The following NRG3 variants were observed in gnomAD, a reference collection of about 807,000 sequenced individuals.
NRG3 encodes pro-neuregulin-3, membrane-bound isoform.
In NRG3, 31 loss-of-function variants were observed where a neutral mutation model predicts 66.9. The observed-to-expected ratio is 0.46, with a 90% CI of 0.35 to 0.63. The LOEUF (loss-of-function observed/expected upper bound fraction) is 0.63, where lower values mean the gene tolerates loss of function less well. Among genes scored for constraint, NRG3 ranks in the 20% least tolerant of loss-of-function variants. The probability of loss-of-function intolerance (pLI) is 0.00; values close to 1 mark genes in which losing one functional copy is unlikely to be tolerated. For synonymous variants in NRG3, 393 were observed against 359.4 expected (o/e 1.09, Z -1.06); for missense variants, 910 against 878.9 (o/e 1.04, Z -0.45).
At chr10:81,944,947 C>G (rs1399698940) in intron 1 of NRG3, among the ~76,000 whole-genome samples, 2 of 152,126 alleles carry the variant, frequency 1.3e-5, no homozygotes, top group Admixed American at 6.6e-5. Context: ...ACCACCACTT[C>G]CCAGCACCAA....
At chr10:82,146,801 T>C (rs2070299089) in intron 1 of NRG3, among the ~76,000 whole-genome samples, 1 of 152,160 alleles carries the variant, frequency 6.6e-6, no homozygotes, top group African/African-American at 2.4e-5. Flanking sequence ...AAAAACTATT[T>C]CTTTTTGTCT....
At chr10:81,961,580 A>C (rs770668711) in intron 1 of NRG3, among the ~76,000 whole-genome samples, 1 of 152,240 alleles carries the variant, frequency 6.6e-6, no homozygotes, top group Non-Finnish European at 1.5e-5. Context: ...TACAGTGTAA[A>C]CTTTAGGTAA....
intron 2 of NRG3, among the ~76,000 whole-genome samples, chr10:82,391,418 C>A (rs576808205): frequency 6.6e-6 from 1 of 152,170 alleles, no homozygotes; most frequent in African/African-American, 2.4e-5. Context: ...TAAATGTCAA[C>A]AAAGAGTCAG....
intron 1 of NRG3, among the ~76,000 whole-genome samples, chr10:82,313,403 C>A (rs7897939): frequency 4.0e-5 from 6 of 151,692 alleles, no homozygotes; most frequent in African/African-American, 1.2e-4. Context: ...GGAATTGTTG[C>A]GATTATCATT....
intron 1 of NRG3, among the ~76,000 whole-genome samples, chr10:82,102,816 T>C (rs2066838851): frequency 6.6e-6 from 1 of 151,984 alleles, no homozygotes; most frequent in African/African-American, 2.4e-5. Flanking sequence ...TTGTAATAAA[T>C]ATTCTATCTA....
At chr10:82,110,185 A>G (rs971131406) in intron 1 of NRG3, among the ~76,000 whole-genome samples, 6 of 152,174 alleles carry the variant, frequency 3.9e-5, no homozygotes. Flanking sequence ...GAAGGTTACA[A>G]TTGAGGGAGC....
chr10:81,989,050 A>T (rs1024260267), intron 1 of NRG3, among the ~76,000 whole-genome samples: 8 of 152,186 alleles, frequency 5.3e-5, no homozygotes, highest in African/African-American at 1.9e-4. Context: ...CACTCTCTGT[A>T]TATTGCAGAG....
At chr10:82,481,199 C>T (rs1313649870) in intron 2 of NRG3, among the ~76,000 whole-genome samples, 1 of 152,298 alleles carries the variant, frequency 6.6e-6, no homozygotes, top group South Asian at 2.1e-4. Flanking sequence ...TTTTATTTCT[C>T]TATCATATTT....
intron 2 of NRG3, among the ~76,000 whole-genome samples, chr10:82,564,802 A>G (rs1196599144): frequency 6.6e-6 from 1 of 152,156 alleles, no homozygotes. Context: ...GTGAGATGAC[A>G]TTCTCTGAGT....
intron 1 of NRG3, among the ~76,000 whole-genome samples, chr10:82,170,019 T>G (rs1172660178): frequency 6.6e-6 from 1 of 151,398 alleles, no homozygotes; most frequent in East Asian, 1.9e-4. Context: ...GATAGACCAC[T>G]GATCTATGGA....
intron 1 of NRG3, among the ~76,000 whole-genome samples, chr10:82,070,316 C>A (rs1322253560): frequency 6.6e-6 from 1 of 151,978 alleles, no homozygotes; most frequent in Non-Finnish European, 1.5e-5. Flanking sequence ...AGAATCCCAT[C>A]CTTTCAAGAA....
intron 3 of NRG3, among the ~76,000 whole-genome samples, chr10:82,781,102 G>A (rs1372743044): frequency 6.6e-6 from 1 of 152,132 alleles, no homozygotes; most frequent in East Asian, 1.9e-4. Flanking sequence ...AGAACTGGAA[G>A]ATGTTGAGGC....
At chr10:82,540,468 G>A (rs2043466726) in intron 2 of NRG3, among the ~76,000 whole-genome samples, 1 of 152,034 alleles carries the variant, frequency 6.6e-6, no homozygotes, top group Admixed American at 6.6e-5. Flanking sequence ...GTGTGCATGT[G>A]TGAGTGTGTG....
intron 1 of NRG3, among the ~76,000 whole-genome samples, chr10:82,279,019 G>A (rs1372707398): frequency 1.3e-5 from 2 of 152,072 alleles, no homozygotes; most frequent in South Asian, 2.1e-4. Context: ...TTTCTTCAAC[G>A]TTTGCTTCCT....
chr10:82,676,492 G>T (rs1028180558), intron 2 of NRG3, among the ~76,000 whole-genome samples: 2 of 151,582 alleles, frequency 1.3e-5, no homozygotes, highest in African/African-American at 4.9e-5. Flanking sequence ...TTTTTTGTTT[G>T]TTTTTTTTCA....
intron 1 of NRG3, among the ~76,000 whole-genome samples, chr10:81,930,064 A>C (rs1847190932): frequency 6.6e-6 from 1 of 152,064 alleles, no homozygotes; most frequent in Non-Finnish European, 1.5e-5. Context: ...GCCTTGGAGC[A>C]CTTAGAGGGA....
At chr10:81,904,468 T>C (rs1020971127) in intron 1 of NRG3, among the ~76,000 whole-genome samples, 1 of 152,108 alleles carries the variant, frequency 6.6e-6, no homozygotes, top group African/African-American at 2.4e-5. Flanking sequence ...CTTGGACTCC[T>C]TCAATGCTAA....
At chr10:82,515,353 C>T (rs1020120725) in intron 2 of NRG3, among the ~76,000 whole-genome samples, 8 of 152,144 alleles carry the variant, frequency 5.3e-5, no homozygotes, top group African/African-American at 1.9e-4. Flanking sequence ...TTAATGTATG[C>T]TCTATCTTCA....
chr10:81,933,594 C>T (rs762491108), intron 1 of NRG3, among the ~76,000 whole-genome samples: 8 of 152,108 alleles, frequency 5.3e-5, no homozygotes, highest in Non-Finnish European at 1.2e-4. Context: ...TTTGATAATT[C>T]AAGTTTCTTC....
Sources: allele counts gnomAD v4.1 joint callset (sites outside exome capture counted in the v4.1 genomes callset), GRCh38; gene constraint gnomAD v4.1.1; transcripts MANE v1.5; gene names NCBI Gene and HGNC (gene_info 2026-07-23, HGNC 2026-07-21).